Variants in USP48 observed in about 807,000 individuals in gnomAD.
The protein encoded by USP48 is ubiquitin specific peptidase 48, also known as ubiquitin carboxyl-terminal hydrolase 48.
USP48 carries 43 observed loss-of-function variants against 150.7 expected under a neutral mutation model. That is an observed-to-expected ratio of 0.29 (90% CI 0.22 to 0.37). The LOEUF (loss-of-function observed/expected upper bound fraction) is 0.37. Ranked by LOEUF, USP48 falls within the 10% of genes least tolerant of loss-of-function variation. USP48 has a pLI of 1.00. For synonymous variants in USP48, 396 were observed against 425.9 expected, an observed-to-expected ratio of 0.93 and a Z score of 0.86; for missense variants, 813 against 1,249.6, an observed-to-expected ratio of 0.65 and a Z score of 5.27.
intron 7 of USP48, 48 bp from the exon 8 acceptor site, chr1:21,747,197 T>C (rs375835887): frequency 6.7e-6 from 9 of 1,349,154 alleles, no homozygotes; most frequent in Non-Finnish European, 9.3e-6. Context: ...ACAATCATAA[T>C]ACAATATATA....
At chr1:21,682,748 G>A (rs571181088) in intron 25 of USP48, among the ~76,000 whole-genome samples, 5 of 152,092 alleles carry the variant, frequency 3.3e-5, no homozygotes, top group South Asian at 4.2e-4. Flanking sequence ...GGTGGCAGGC[G>A]CCTGTAGTCC....
intron 16 of USP48, 71 bp downstream of exon 16, chr1:21,706,673 G>A (rs1571787155): frequency 6.2e-7 from 1 of 1,611,316 alleles, no homozygotes; most frequent in East Asian, 2.2e-5. Context: ...GAAGTACAGT[G>A]TTAATTCCCC....
At chr1:21,724,287 G>C in intron 11 of USP48, 192 bp from the exon 12 acceptor site, 1 of 636,422 alleles carries the variant, frequency 1.6e-6, no homozygotes, top group South Asian at 1.9e-5. Flanking sequence ...ATGAGTTCAA[G>C]GAGCTGTGCA....
At position 21,704,331 on chromosome 1, in the gene USP48, C is replaced by T. The variant is rs2097665971; in HGVS notation, c.2446G>A (p.Val816Ile). ...ACTTCAATTCTCGTGATTTTAATTACATGATCCACAACAAAGAGCTTTTGT... is the reference window on the plus strand; with the variant it reads ...ACTTCAATTCTCGTGATTTTAATTATATGATCCACAACAAAGAGCTTTTGT... ...MIQKLFVVDH[V>I]IKITRIEVGD... The change falls in exon 20 of 27, where the codon GTA (valine) becomes ATA (isoleucine). Residue 816 changes from valine (V) to isoleucine (I), a missense_variant. Transcript: ENST00000308271. 2 of 1,613,802 alleles carry T rather than the reference C, an allele frequency of 1.2e-6. No individual in the cohort carries two copies. Among genetic ancestry groups the T allele is most frequent in the African/African-American group, 1.3e-5 (1 of 74,950 alleles).
At chr1:21,756,803 C>T (rs2097837007) in intron 2 of USP48, 101 bp from the exon 3 acceptor site, 26 of 1,512,998 alleles carry the variant, frequency 1.7e-5, no homozygotes, top group South Asian at 1.6e-4. Flanking sequence ...TGTGTAAGAC[C>T]GTCACAACCA....
chr1:21,782,793 G>A (rs771134331), intron 1 of USP48, 31 bp downstream of exon 1: 5 of 1,505,542 alleles, frequency 3.3e-6, no homozygotes, highest in African/African-American at 1.4e-5. Flanking sequence ...CCGGCGCGAG[G>A]AGCCCGCGAG....
At chr1:21,690,153 T>C in intron 23 of USP48, 54 bp from the exon 24 acceptor site, 2 of 1,482,516 alleles carry the variant, frequency 1.3e-6, no homozygotes, top group South Asian at 1.4e-5. Flanking sequence ...CTAAGACTTA[T>C]ACCCTATTTA....
At chr1:21,691,008 T>C (rs2097597145) in intron 23 of USP48, among the ~76,000 whole-genome samples, 1 of 152,166 alleles carries the variant, frequency 6.6e-6, no homozygotes, top group South Asian at 2.1e-4. Context: ...ACCCCAGTTC[T>C]GGCCAAGTGT....
chr1:21,754,328 T>C (rs539814612), intron 3 of USP48, among the ~76,000 whole-genome samples: 135 of 152,268 alleles, frequency 8.9e-4, no homozygotes, highest in Non-Finnish European at 1.1e-3. Context: ...GTCCAGTTAA[T>C]GTGGACTTGG....
Position 21,715,447 on chromosome 1 carries a change from C to G in USP48, c.1905G>C (p.Lys635Asn). 1 of 1,574,880 alleles carries G rather than the reference C, an allele frequency of 6.3e-7. No homozygotes were observed. The highest frequency in any genetic ancestry group is 8.7e-7 in the Non-Finnish European group (1 of 1,146,290). ...NGSTLNKDES[K>N]EERKEEEELN... ...ATTCCTCCTCTTCTTTTCTTTCTTC[C>G]TTTGATTCATCTAATCAAAAGAAAT... is the stretch of plus-strand genomic sequence containing the variant. The change falls in exon 15 of 27, where the codon AAG becomes AAC. Residue 635 changes from lysine to asparagine, a missense_variant. By Grantham distance (94) the Lys-to-Asn change is moderately conservative. Transcript: ENST00000308271.
At chr1:21,732,400 T>C (rs574397237) in intron 9 of USP48, among the ~76,000 whole-genome samples, 1 of 152,282 alleles carries the variant, frequency 6.6e-6, no homozygotes, top group African/African-American at 2.4e-5. Context: ...GGTTTCTACC[T>C]CTCTTTTCAC....
At chr1:21,765,901 CAAAAAAAAAAAAAAA>C (rs199539331) in intron 1 of USP48, among the ~76,000 whole-genome samples, 12 of 112,148 alleles carry the variant, frequency 1.1e-4, no homozygotes, top group African/African-American at 4.1e-4. Flanking sequence ...ACTCCATCTC[CAAAAAAAAAAAAAAA>C]AAAAAAAAAA....
chr1:21,730,427 C>T (rs2097753851), intron 9 of USP48, among the ~76,000 whole-genome samples: 1 of 151,866 alleles, frequency 6.6e-6, no homozygotes, highest in Admixed American at 6.6e-5. Context: ...GAGCAAGACT[C>T]TGTCTCATGA....
At position 21,721,137 on chromosome 1, in the gene USP48, G is replaced by T; in HGVS notation, c.1793C>A (p.Ser598Tyr). Residue 598 changes from serine to tyrosine, a missense_variant, in exon 14 of 27, where the codon TCC becomes TAC. Physicochemically the swap from Ser to Tyr is moderately radical, Grantham distance 144 (BLOSUM62 -2). Transcript: ENST00000308271. ...GSDGFWVGKSSLRSWRQLALE... is the reference protein window; with the variant it reads ...GSDGFWVGKSYLRSWRQLALE... ...AGCTAGCTGGCGCCAACTCCGCAAG[G>T]AGGACTTCCCCACCCAAAATCCATC... 1 of 1,614,238 alleles carries T rather than the reference G, an allele frequency of 6.2e-7. No individual in the cohort carries two copies. The highest frequency in any genetic ancestry group is 8.5e-7 in the Non-Finnish European group (1 of 1,180,038).
intron 5 of USP48, among the ~76,000 whole-genome samples, chr1:21,752,091 T>G (rs2097817257): frequency 6.6e-6 from 1 of 152,148 alleles, no homozygotes; most frequent in Admixed American, 6.6e-5. Context: ...GAAACTTTCT[T>G]AAAATAAATG....
intron 15 of USP48, among the ~76,000 whole-genome samples, chr1:21,707,698 A>G (rs2097676822): frequency 6.6e-6 from 1 of 152,238 alleles, no homozygotes; most frequent in Non-Finnish European, 1.5e-5. Flanking sequence ...TTAAATTTCT[A>G]AAGTCATATG....
chr1:21,687,120 G>T, intron 25 of USP48, 71 bp downstream of exon 25: 1 of 1,450,628 alleles, frequency 6.9e-7, no homozygotes. Context: ...GTACACTAAA[G>T]CTTCAATATC....
intron 8 of USP48, among the ~76,000 whole-genome samples, 178 bp downstream of exon 8, chr1:21,746,889 C>A (rs2097795901): frequency 6.6e-6 from 1 of 152,156 alleles, no homozygotes; most frequent in South Asian, 2.1e-4. Flanking sequence ...CTTACTCACA[C>A]AAAATGGAAT....
intron 25 of USP48, 48 bp from the exon 26 acceptor site, chr1:21,680,882 G>T: frequency 6.9e-7 from 1 of 1,456,556 alleles, no homozygotes; most frequent in South Asian, 1.2e-5. Flanking sequence ...AGATTGTCGT[G>T]ACAGACAGTA....
Sources: gnomAD v4.1 joint callset for allele counts (sites outside exome capture counted in the v4.1 genomes callset) on GRCh38, gnomAD v4.1.1 for gene constraint, MANE v1.5 for transcripts, NCBI Gene and HGNC (gene_info 2026-07-23, HGNC 2026-07-21) for gene names.